Variants in DAPK1 observed in about 807,000 individuals in gnomAD.
The protein encoded by DAPK1 is death-associated protein kinase 1.
In DAPK1, 56 loss-of-function variants were observed where a neutral mutation model predicts 144.9. The observed-to-expected ratio is 0.39, with a 90% CI of 0.31 to 0.48. DAPK1 has a LOEUF of 0.48. Ranked by LOEUF, DAPK1 falls within the 20% of genes least tolerant of loss-of-function variation. The pLI is 0.95. For synonymous variants in DAPK1, 690 were observed against 749.0 expected (o/e 0.92, Z 1.29); for missense variants, 1,454 against 1,875.4 (o/e 0.78, Z 4.15).
intron 3 of DAPK1, among the ~76,000 whole-genome samples, chr9:87,628,379 A>G (rs975479599): frequency 2.0e-5 from 3 of 152,220 alleles, no homozygotes; most frequent in African/African-American, 4.8e-5. Context: ...AACAGAGCAT[A>G]GAAGCAAAAA....
At chr9:87,634,930 A>G (rs1829837820) in intron 3 of DAPK1, among the ~76,000 whole-genome samples, 1 of 152,286 alleles carries the variant, frequency 6.6e-6, no homozygotes, top group South Asian at 2.1e-4. Flanking sequence ...ACATGGGAAG[A>G]AAGACAGCAG....
intron 20 of DAPK1, among the ~76,000 whole-genome samples, chr9:87,685,822 C>A (rs1348985992): frequency 2.0e-5 from 3 of 152,068 alleles, no homozygotes; most frequent in Non-Finnish European, 4.4e-5. Flanking sequence ...AAATGGGAAC[C>A]CAGTGTCACT....
intron 17 of DAPK1, 51 bp downstream of exon 17, chr9:87,651,775 C>G: frequency 6.6e-7 from 1 of 1,520,150 alleles, no homozygotes; most frequent in Non-Finnish European, 9.1e-7. Context: ...TCCATCCACC[C>G]GATTCTGGGT....
intron 3 of DAPK1, among the ~76,000 whole-genome samples, chr9:87,605,486 T>G (rs981828648): frequency 1.3e-5 from 2 of 152,140 alleles, no homozygotes; most frequent in Non-Finnish European, 2.9e-5. Context: ...AGTTTCCTGT[T>G]AAGCTTCAAG....
Position 87,548,080 on chromosome 9 carries a change from A to T in DAPK1, c.62+48941A>T, listed in dbSNP as rs138739129. ...CTTCACTGGGGCTTCTGTCAGATGAACACTGTTATGCTAACTTCTCTAGGC... is the reference window on the plus strand; with the variant it reads ...CTTCACTGGGGCTTCTGTCAGATGATCACTGTTATGCTAACTTCTCTAGGC... On this transcript the variant is annotated intron_variant, in intron 2 of 25. Transcript: ENST00000408954. Among the ~76,000 whole-genome samples the T allele has an allele frequency of 7.8e-4, 119 of 152,300 alleles. No homozygotes were observed. The East Asian group carries it at 0.018, about 23-fold the overall frequency.
intron 2 of DAPK1, among the ~76,000 whole-genome samples, chr9:87,591,968 A>G (rs1481021093): frequency 1.3e-5 from 2 of 152,146 alleles, no homozygotes; most frequent in Non-Finnish European, 2.9e-5. Context: ...TACACGTGTA[A>G]CTAGAGGCAT....
chr9:87,499,024 T>C lies in DAPK1; in HGVS notation c.-54T>C, dbSNP rs1408908110. On this transcript the variant is annotated 5_prime_UTR_variant, in exon 2 of 26. Coordinates refer to ENST00000408954, the MANE Select transcript of DAPK1 (RefSeq NM_004938.4). ...GGAGGCGCAGGAGCGGTGGTGATGGTCTGGGAAGCGGAGCTGAAGTGCCCT... is the reference window on the plus strand; with the variant it reads ...GGAGGCGCAGGAGCGGTGGTGATGGCCTGGGAAGCGGAGCTGAAGTGCCCT... 1 of 1,505,374 alleles carries C rather than the reference T, an allele frequency of 6.6e-7. No homozygotes were observed. The highest frequency in any genetic ancestry group is 9.2e-7 in the Non-Finnish European group (1 of 1,081,616). 93.3% of individuals were successfully genotyped at this position (1,505,374 alleles called of 1,614,324 possible).
chr9:87,537,915 T>A (rs934443101), intron 2 of DAPK1, among the ~76,000 whole-genome samples: 1 of 152,144 alleles, frequency 6.6e-6, no homozygotes, highest in Non-Finnish European at 1.5e-5. Context: ...CACAATGTGC[T>A]CTCATTTACA....
chr9:87,578,891 C>T (rs975475043), intron 2 of DAPK1, among the ~76,000 whole-genome samples: 1 of 152,224 alleles, frequency 6.6e-6, no homozygotes, highest in Admixed American at 6.5e-5. Flanking sequence ...CTGGGCTTCT[C>T]AGCTCTGCTC....
At chr9:87,520,830 A>G (rs1433906016) in intron 2 of DAPK1, among the ~76,000 whole-genome samples, 1 of 152,228 alleles carries the variant, frequency 6.6e-6, no homozygotes, top group Non-Finnish European at 1.5e-5. Flanking sequence ...ACATGCACAT[A>G]TATCTATACA....
intron 2 of DAPK1, among the ~76,000 whole-genome samples, chr9:87,505,099 AT>A (rs1824537081): frequency 6.6e-6 from 1 of 152,014 alleles, no homozygotes; most frequent in Non-Finnish European, 1.5e-5. Context: ...TTTCCAGATG[AT>A]TAGGGGTGAG....
intron 14 of DAPK1, among the ~76,000 whole-genome samples, chr9:87,647,624 A>G (rs1334722541): frequency 6.6e-6 from 1 of 152,238 alleles, no homozygotes; most frequent in Non-Finnish European, 1.5e-5. Context: ...CATAATACGC[A>G]CGCATTGAAT....
chr9:87,647,812 T>C (rs1355045129), intron 14 of DAPK1, among the ~76,000 whole-genome samples: 1 of 152,230 alleles, frequency 6.6e-6, no homozygotes, highest in Admixed American at 6.5e-5. Context: ...CACTAGAAGA[T>C]ATTAATGAGA....
intron 2 of DAPK1, among the ~76,000 whole-genome samples, chr9:87,601,453 G>A (rs1346563666): frequency 6.6e-6 from 1 of 152,204 alleles, no homozygotes; most frequent in East Asian, 1.9e-4. Flanking sequence ...GAGGAAGGGA[G>A]TGAGGATTTA....
chr9:87,628,690 CCTCA>C (rs1829564423), intron 3 of DAPK1, among the ~76,000 whole-genome samples: 1 of 152,160 alleles, frequency 6.6e-6, no homozygotes, highest in Non-Finnish European at 1.5e-5. Context: ...TTGGGGACCA[CCTCA>C]CTCCTTCACG....
intron 2 of DAPK1, among the ~76,000 whole-genome samples, chr9:87,501,216 T>TA (rs1824378441): frequency 6.6e-6 from 1 of 152,162 alleles, no homozygotes; most frequent in Non-Finnish European, 1.5e-5. Context: ...TAGACCAGTA[T>TA]CTAAGATTTA....
chr9:87,618,321 A>G (rs1235019192), intron 3 of DAPK1, among the ~76,000 whole-genome samples: 3 of 152,224 alleles, frequency 2.0e-5, no homozygotes, highest in Admixed American at 1.3e-4. Flanking sequence ...TAATGCTCAA[A>G]CAGTGCTGGT....
intron 2 of DAPK1, among the ~76,000 whole-genome samples, chr9:87,505,136 T>C (rs1824538507): frequency 6.6e-6 from 1 of 152,218 alleles, no homozygotes; most frequent in Non-Finnish European, 1.5e-5. Context: ...ATATCTGATA[T>C]CTGGGAGTGG....
intron 23 of DAPK1, among the ~76,000 whole-genome samples, chr9:87,699,578 C>T (rs1437975661): frequency 2.0e-5 from 3 of 152,188 alleles, no homozygotes; most frequent in Non-Finnish European, 4.4e-5. Context: ...TACTCAGAGT[C>T]TATCAAAACA....
Sources: gnomAD v4.1 joint callset for allele counts (sites outside exome capture counted in the v4.1 genomes callset) on GRCh38, gnomAD v4.1.1 for gene constraint, MANE v1.5 for transcripts, NCBI Gene and HGNC (gene_info 2026-07-23, HGNC 2026-07-21) for gene names.